The following BAIAP3 variants were observed in gnomAD, a reference collection of about 807,000 sequenced individuals.
BAIAP3 encodes the protein BAI1-associated protein 3.
Under a neutral mutation model 149.7 loss-of-function variants are expected in BAIAP3, and 180 were observed. The ratio of observed to expected loss-of-function variants is 1.20; its 90% CI spans 1.07 to 1.36. The LOEUF (loss-of-function observed/expected upper bound fraction) is 1.36. BAIAP3 is among the 40% of genes most tolerant of loss of function. BAIAP3 has a pLI of 0.00. For missense variants in BAIAP3, 1,767 were observed against 1,563.4 expected (o/e 1.13, Z -2.20); for synonymous variants, 845 against 670.7 (o/e 1.26, Z -4.02).
intron 32 of BAIAP3, 37 bp downstream of exon 32, chr16:1,348,054 C>G (rs750306718): frequency 4.5e-6 from 7 of 1,552,062 alleles, no homozygotes; most frequent in Non-Finnish European, 6.0e-6. Flanking sequence ...CCCCAGGCTC[C>G]AGGCTGCCGG....
At chr16:1,337,952 T>C (rs2033582630) in intron 1 of BAIAP3, among the ~76,000 whole-genome samples, 1 of 152,174 alleles carries the variant, frequency 6.6e-6, no homozygotes, top group African/African-American at 2.4e-5. Context: ...CTGTGCTTGG[T>C]GAGCGAGGAC....
chr16:1,341,189 C>T lies in BAIAP3; in HGVS notation c.529C>T (p.Pro177Ser), dbSNP rs1204053242. 2 of 1,612,482 alleles carry T rather than the reference C, an allele frequency of 1.2e-6. No individual in the cohort carries two copies. Among genetic ancestry groups the T allele is most frequent in the East Asian group, 4.5e-5 (2 of 44,892 alleles). ...MRAKNLLAKD[P>S]NGFSDPYCML... ...TGCCAAGAACCTTCTGGCCAAGGAC[C>T]CCAACGGTGAGTGGGGACCCAGCAG... Residue 177 changes from proline to serine, a missense_variant, in exon 7 of 34, where the codon CCC becomes TCC. Pro to Ser is a moderately conservative substitution (Grantham distance 74). Coordinates refer to ENST00000426824, the MANE Select transcript of BAIAP3 (RefSeq NM_001199097.2).
rs544139664 is a variant in BAIAP3 at position 1,346,357 on chromosome 16, C to G, written c.2489C>G (p.Ser830Cys). 29 of 1,609,310 alleles carry G rather than the reference C, an allele frequency of 1.8e-5. No individual in the cohort carries two copies. The East Asian group carries it at 6.5e-4, about 36-fold the overall frequency. Reference protein sequence around the residue: ...EAHTVTAHLTSKMVGDIRKYV... With the variant: ...EAHTVTAHLTCKMVGDIRKYV... ...CACACGGTGACAGCGCACCTGACCT[C>G]TAAGGTGGGTGGGGCCTGGAGACCA... Residue 830 changes from serine to cysteine, a missense_variant, in exon 25 of 34, where the codon TCT becomes TGT. Coordinates refer to ENST00000426824, the MANE Select transcript of BAIAP3 (RefSeq NM_001199097.2).
chr16:1,340,487 G>A (rs572346627), intron 5 of BAIAP3, among the ~76,000 whole-genome samples: 1 of 119,922 alleles, frequency 8.3e-6, no homozygotes, highest in African/African-American at 2.9e-5. Context: ...CAGGCTGCAG[G>A]TGTACACAGA....
Position 1,347,379 on chromosome 16 carries a change from G to T in BAIAP3, c.2823+10G>T. On this transcript the variant is annotated intron_variant, in intron 29 of 33. Transcript: ENST00000426824. ...GGATGGAAGCTACAAGGTGAGGTGGGACCCTCTGTGGGGCGGGGGTGTGGA... is the reference window on the plus strand; with the variant it reads ...GGATGGAAGCTACAAGGTGAGGTGGTACCCTCTGTGGGGCGGGGGTGTGGA... The T allele has an allele frequency of 6.2e-7, 1 of 1,613,066 alleles. No homozygotes were observed. The highest frequency in any genetic ancestry group is 8.5e-7 in the Non-Finnish European group (1 of 1,179,764).
At position 1,344,317 on chromosome 16, in the gene BAIAP3, GGTGTGTTCCAA is replaced by G. The variant is rs2034158908; in HGVS notation, c.1602+1_1602+11del. 6.2e-7 allele frequency: 1 copy of G among 1,613,708 alleles called. No homozygotes were observed. The highest frequency in any genetic ancestry group is 1.3e-5 in the African/African-American group (1 of 74,926). ...ACATGGACATTGCTGCGGCCCTGAA[GGTGTGTTCCAA>G]AGCCCAGTGGAGGCCGGCTGCTAAG... On this transcript the variant is annotated splice_donor_variant and splice_donor_5th_base_variant and intron_variant, in intron 17 of 33. Transcript: ENST00000426824. LOFTEE classifies it high-confidence loss of function.
At position 1,346,617 on chromosome 16, in the gene BAIAP3, C is replaced by T. The variant is rs2034388731; in HGVS notation, c.2575C>T (p.Leu859Phe). 6.5e-7 allele frequency: 1 copy of T among 1,545,292 alleles called. No individual in the cohort carries two copies. The highest frequency in any genetic ancestry group is 1.2e-5 in the South Asian group (1 of 84,370). ...CCCCTGCCCGCAGGCCGTGGCCCCG[C>T]TCATGAAGTACCTGGATGAGAAGCT... ...SIQNDEAVAPLMKYLDEKLAL... is the reference protein window; with the variant it reads ...SIQNDEAVAPFMKYLDEKLAL... The change falls in exon 27 of 34, where the codon CTC (leucine) becomes TTC (phenylalanine). Residue 859 changes from leucine to phenylalanine, a missense_variant. Transcript: ENST00000426824.
Position 1,345,829 on chromosome 16 carries a change from G to C in BAIAP3, c.2147G>C (p.Trp716Ser). Residue 716 changes from tryptophan (W) to serine (S), a missense_variant, in exon 23 of 34, where the codon TGG becomes TCG. Coordinates refer to ENST00000426824, the MANE Select transcript of BAIAP3 (RefSeq NM_001199097.2). ...TGCCTCAGCCACATCCAGGAGTTGTGGGTGCGCCTGGCGTGGCCTGACCCT... is the reference window on the plus strand; with the variant it reads ...TGCCTCAGCCACATCCAGGAGTTGTCGGTGCGCCTGGCGTGGCCTGACCCT... ...GLCLSHIQEL[W>S]VRLAWPDPAQ... The C allele has an allele frequency of 6.3e-7, 1 of 1,579,508 alleles. No homozygotes were observed. Among genetic ancestry groups the C allele is most frequent in the Middle Eastern group, 1.7e-4 (1 of 5,960 alleles).
chr16:1,338,885 C>T lies in BAIAP3; in HGVS notation c.132-17C>T, dbSNP rs1345176890. On this transcript the variant is annotated splice_polypyrimidine_tract_variant and intron_variant, in intron 2 of 33. Coordinates refer to ENST00000426824, the MANE Select transcript of BAIAP3 (RefSeq NM_001199097.2). ...CAGCGTGCTGAGAGCTGTGAGCTGA[C>T]CCGGCTCTTTCTCCAGGAAACCCGG... The T allele has an allele frequency of 6.2e-7, 1 of 1,612,670 alleles. No individual in the cohort carries two copies. Among genetic ancestry groups the T allele is most frequent in the Non-Finnish European group, 8.5e-7 (1 of 1,179,782 alleles).
In BAIAP3 at chr16:1,344,033, G is replaced by C; in HGVS notation, c.1398G>C (p.Leu466=). The C allele has an allele frequency of 6.2e-7, 1 of 1,612,376 alleles. No homozygotes were observed. The highest frequency in any genetic ancestry group is 8.5e-7 in the Non-Finnish European group (1 of 1,179,892). The change falls in exon 16 of 34, where the codon CTG becomes CTC. Residue 466 remains leucine (L), a synonymous_variant. Transcript: ENST00000426824. ...PSLPQEQEES[L]ADSLSAFSEF... ...CCCTGTCCCCACAGGAGGAGAGCCT[G>C]GCTGATAGCCTTTCCGCCTTCTCTG...
chr16:1,341,496 C>A lies in BAIAP3; in HGVS notation c.731+7C>A, dbSNP rs749797228. 7.5e-6 allele frequency: 12 copies of A among 1,601,218 alleles called. No individual in the cohort carries two copies. The Admixed American group carries it at 1.5e-4, about 20-fold the overall frequency. On this transcript the variant is annotated splice_region_variant and intron_variant, in intron 8 of 33. Transcript: ENST00000426824. ...GGAAGGAGCACTTCCTCTTGTGAGG[C>A]CCTCGCCCGTCTGGGTGCGGGAGGG...
chr16:1,339,072 G>A (rs756088884), intron 3 of BAIAP3, 83 bp downstream of exon 3: 10 of 1,599,204 alleles, frequency 6.3e-6, no homozygotes, highest in African/African-American at 1.3e-5. Flanking sequence ...TCCTGCCCTC[G>A]CTCCCACCTC....
intron 11 of BAIAP3, 113 bp downstream of exon 11, chr16:1,342,396 G>T: frequency 2.2e-6 from 3 of 1,377,618 alleles, no homozygotes; most frequent in Non-Finnish European, 3.0e-6. Flanking sequence ...GGCCTCCACT[G>T]AGTGCGCTTG....
intron 14 of BAIAP3, 87 bp from the exon 15 acceptor site, chr16:1,343,306 A>C (rs377284466): frequency 6.6e-6 from 10 of 1,508,016 alleles, no homozygotes; most frequent in Non-Finnish European, 8.9e-6. Context: ...TGGGTGGGGC[A>C]GAGAAAGGGG....
At chr16:1,334,773 A>ATC (rs1310524904) in intron 1 of BAIAP3, 1 of 1,546,500 alleles carries the variant, frequency 6.5e-7, no homozygotes, top group East Asian at 2.4e-5. Flanking sequence ...CCAGGGAGAG[A>ATC]TTCCTGCGGG....
At chr16:1,343,205 G>A in intron 14 of BAIAP3, 188 bp from the exon 15 acceptor site, 1 of 1,113,776 alleles carries the variant, frequency 9.0e-7, no homozygotes, top group Non-Finnish European at 1.3e-6. Context: ...AGGTGAGGCA[G>A]CGAAAGGGGC....
chr16:1,334,065 C>G (rs1394631084), intron 1 of BAIAP3, among the ~76,000 whole-genome samples: 2 of 151,916 alleles, frequency 1.3e-5, no homozygotes, highest in Non-Finnish European at 2.9e-5. Flanking sequence ...CGGCCTCCCC[C>G]GCACTTGAGC....
chr16:1,340,195 G>GCACA (rs2033811641), intron 5 of BAIAP3, among the ~76,000 whole-genome samples: 6 of 63,868 alleles, frequency 9.4e-5, no homozygotes, highest in Admixed American at 3.5e-4. Flanking sequence ...ACAGACACAC[G>GCACA]CACACAGGCT....
rs773404473 is a variant in BAIAP3 at position 1,344,088 on chromosome 16, C to T, written c.1453C>T (p.Arg485Ter). The T allele has an allele frequency of 3.2e-5, 51 of 1,612,046 alleles. No homozygotes were observed. The highest frequency in any genetic ancestry group is 4.3e-5 in the Non-Finnish European group (51 of 1,179,910). ...EFGLQLLRQLRDYFPATNSTA... is the reference protein window; with the variant it reads ...EFGLQLLRQL ...CGGGCTGCAGCTGCTGCGCCAGCTCCGAGACTACTTCCCTGCCACCAACAG... is the reference window on the plus strand; with the variant it reads ...CGGGCTGCAGCTGCTGCGCCAGCTCTGAGACTACTTCCCTGCCACCAACAG... The change falls in exon 16 of 34, where the codon CGA becomes TGA. Residue 485 changes from arginine (R) to a stop codon, truncating the protein, a stop_gained. Transcript: ENST00000426824. LOFTEE classifies it high-confidence loss of function.
Sources: allele counts gnomAD v4.1 joint callset (sites outside exome capture counted in the v4.1 genomes callset), GRCh38; gene constraint gnomAD v4.1.1; transcripts MANE v1.5; gene names NCBI Gene and HGNC (gene_info 2026-07-23, HGNC 2026-07-21).